FAM234A: variants seen among roughly 807,000 people sequenced by gnomAD.
FAM234A encodes protein FAM234A.
FAM234A carries 42 observed loss-of-function variants against 49.1 expected under a neutral mutation model. The observed-to-expected ratio is 0.86, with a 90% CI of 0.67 to 1.11. The LOEUF (loss-of-function observed/expected upper bound fraction) is 1.11. Ranked by LOEUF, FAM234A falls within the 50% of genes least tolerant of loss-of-function variation. The pLI, the probability that FAM234A is intolerant of heterozygous loss-of-function variation, is 0.00. For missense variants in FAM234A, 815 were observed against 745.2 expected (o/e 1.09, Z -1.09); for synonymous variants, 369 against 316.2 (o/e 1.17, Z -1.77).
intron 4 of FAM234A, 85 bp from the exon 5 acceptor site, chr16:259,884 C>G: frequency 7.9e-7 from 1 of 1,273,884 alleles, no homozygotes; most frequent in East Asian, 2.3e-5. Flanking sequence ...GTGAGGAAAA[C>G]AGACCTGGAA....
At chr16:240,627 C>A (rs1332882155) in intron 1 of FAM234A, among the ~76,000 whole-genome samples, 2 of 152,032 alleles carry the variant, frequency 1.3e-5, no homozygotes, top group African/African-American at 4.8e-5. Context: ...CTCAGCCTCC[C>A]TAGTAGCTGG....
Position 261,519 on chromosome 16 carries a change from A to G in FAM234A, c.708+5A>G. On this transcript the variant is annotated splice_donor_5th_base_variant and intron_variant, in intron 6 of 12. Coordinates refer to ENST00000399932, the MANE Select transcript of FAM234A (RefSeq NM_032039.4). ...CTCACCCAGGAGCGGGAGGAGGTACATCCCAGCCTGGCTCTGCTCCCAAGT... is the reference window on the plus strand; with the variant it reads ...CTCACCCAGGAGCGGGAGGAGGTACGTCCCAGCCTGGCTCTGCTCCCAAGT... 2 of 1,592,810 alleles carry G rather than the reference A, an allele frequency of 1.3e-6. No homozygotes were observed. Among genetic ancestry groups the G allele is most frequent in the African/African-American group, 1.3e-5 (1 of 74,642 alleles).
At chr16:252,759 G>T (rs1437620304) in intron 2 of FAM234A, among the ~76,000 whole-genome samples, 4 of 152,200 alleles carry the variant, frequency 2.6e-5, no homozygotes, top group Non-Finnish European at 4.4e-5. Flanking sequence ...GACAAAGTCC[G>T]AGTGAACAGT....
At chr16:262,835 T>C (rs1246417075) in intron 8 of FAM234A, among the ~76,000 whole-genome samples, 2 of 151,274 alleles carry the variant, frequency 1.3e-5, no homozygotes, top group Admixed American at 1.3e-4. Flanking sequence ...GTTTTTTTTT[T>C]TTAAGACGGA....
intron 8 of FAM234A, 108 bp downstream of exon 8, chr16:262,661 G>C: frequency 8.6e-7 from 1 of 1,166,144 alleles, no homozygotes; most frequent in Non-Finnish European, 1.1e-6. Flanking sequence ...AGCCCCACCG[G>C]CAGGGAGGTG....
intron 10 of FAM234A, 91 bp downstream of exon 10, chr16:263,866 G>C: frequency 7.1e-7 from 1 of 1,402,420 alleles, no homozygotes. Context: ...CCAGGAGGCT[G>C]CTGCCGTCAG....
chr16:269,225 G>A (rs1198825455), downstream of FAM234A: 5 of 1,358,124 alleles, frequency 3.7e-6, no homozygotes, highest in Non-Finnish European at 4.1e-6. Flanking sequence ...ATTCACGCAG[G>A]ACGTTGAGCT....
At chr16:256,740 ATT>A (rs373856766) in intron 3 of FAM234A, among the ~76,000 whole-genome samples, 25 of 113,720 alleles carry the variant, frequency 2.2e-4, no homozygotes, top group Admixed American at 4.5e-4. Context: ...TGCCTGGCTA[ATT>A]TTTTTTTTTT....
chr16:259,842 C>A, intron 4 of FAM234A, 127 bp from the exon 5 acceptor site: 1 of 868,408 alleles, frequency 1.2e-6, no homozygotes, highest in Non-Finnish European at 1.8e-6. Flanking sequence ...AGGAGATCCA[C>A]CTGGCGGGAG....
downstream of FAM234A, chr16:269,629 CCT>C (rs753119432): frequency 1.3e-4 from 191 of 1,444,610 alleles, 1 homozygote; most frequent in Middle Eastern, 1.6e-3. Context: ...TGCCTCCTCA[CCT>C]CTCAGCCAGC....
chr16:266,149 T>G (rs1287636031), downstream of FAM234A: 1 of 929,726 alleles, frequency 1.1e-6, no homozygotes, highest in African/African-American at 1.8e-5. Flanking sequence ...GTCTGTCTGC[T>G]CCCTAAGTAG....
intron 1 of FAM234A, among the ~76,000 whole-genome samples, chr16:238,756 A>C (rs1374128631): frequency 4.1e-3 from 320 of 78,978 alleles, no homozygotes; most frequent in Middle Eastern, 0.029. Context: ...ACAGAGTGAG[A>C]CTCCGTCTCA....
intron 5 of FAM234A, 121 bp downstream of exon 5, chr16:260,281 T>C: frequency 1.0e-6 from 1 of 955,442 alleles, no homozygotes; most frequent in Non-Finnish European, 1.6e-6. Context: ...GGTGGCTGGA[T>C]GGGAAGGAAG....
chr16:247,141 T>C (rs2050840890), intron 1 of FAM234A: 1 of 151,828 alleles, frequency 6.6e-6, no homozygotes, highest in African/African-American at 2.4e-5. Flanking sequence ...CTGTTTTGTT[T>C]TGTTTTGAGA....
chr16:245,167 C>T (rs1052241693), intron 1 of FAM234A, among the ~76,000 whole-genome samples: 5 of 151,766 alleles, frequency 3.3e-5, no homozygotes, highest in Admixed American at 6.6e-5. Context: ...GGCAACGTGG[C>T]GAAACTCTGT....
At position 265,547 on chromosome 16, in the gene FAM234A, C is replaced by T. The variant is rs2051665248; in HGVS notation, c.*525C>T. 1 of 985,970 alleles carries T rather than the reference C, an allele frequency of 1.0e-6. No individual in the cohort carries two copies. Among genetic ancestry groups the T allele is most frequent in the Non-Finnish European group, 1.2e-6 (1 of 830,438 alleles). The allele number at this position is 985,970 out of a possible 1,614,324, so 61.1% of individuals were successfully genotyped here. ...CAGGGTACTGGGCCTCAACGGGAAC[C>T]TGAGACAGCTCCAGCTTCGCAGCCC... On this transcript the variant is annotated 3_prime_UTR_variant, in exon 13 of 13. Coordinates refer to ENST00000399932, the MANE Select transcript of FAM234A (RefSeq NM_032039.4).
downstream of FAM234A, among the ~76,000 whole-genome samples, chr16:266,599 T>A (rs1488921258): frequency 6.6e-6 from 1 of 152,112 alleles, no homozygotes; most frequent in Admixed American, 6.6e-5. Flanking sequence ...TGTATGCAAG[T>A]GTGAAAAGCC....
Position 264,607 on chromosome 16 carries a change from G to T in FAM234A, c.1345-7G>T, listed in dbSNP as rs763403988. 3 of 1,598,162 alleles carry T rather than the reference G, an allele frequency of 1.9e-6. No homozygotes were observed. The highest frequency in any genetic ancestry group is 1.3e-5 in the African/African-American group (1 of 74,746). ...GGCGTGGGGCCCATTGCTGGTTCTC[G>T]CTCCAGGAGACCGGGGAGGCCCGGC... On this transcript the variant is annotated splice_region_variant and splice_polypyrimidine_tract_variant and intron_variant, in intron 11 of 12. Coordinates refer to ENST00000399932, the MANE Select transcript of FAM234A (RefSeq NM_032039.4).
chr16:265,117 C>G lies in FAM234A; in HGVS notation c.*95C>G. On this transcript the variant is annotated 3_prime_UTR_variant, in exon 13 of 13. Transcript: ENST00000399932. ...TCCCTGGGTCTCTGCACTGACTCCC[C>G]CACTCCTGACCCTGGTGATGGTCGC... The G allele has an allele frequency of 6.8e-7, 1 of 1,480,418 alleles. No homozygotes were observed. The highest frequency in any genetic ancestry group is 8.9e-7 in the Non-Finnish European group (1 of 1,120,388). The allele number at this position is 1,480,418 out of a possible 1,614,324, so 91.7% of individuals were successfully genotyped here.
Sources: allele counts gnomAD v4.1 joint callset (sites outside exome capture counted in the v4.1 genomes callset), GRCh38; gene constraint gnomAD v4.1.1; transcripts MANE v1.5; gene names NCBI Gene and HGNC (gene_info 2026-07-23, HGNC 2026-07-21).